Variants in PDE6H observed in about 807,000 individuals in gnomAD.
The protein encoded by PDE6H is retinal cone rhodopsin-sensitive cGMP 3',5'-cyclic phosphodiesterase subunit gamma.
In PDE6H, 11 loss-of-function variants were observed where a neutral mutation model predicts 9.2. That is an observed-to-expected ratio of 1.19 (90% confidence interval 0.75 to 1.97). The LOEUF (loss-of-function observed/expected upper bound fraction) is 1.97. PDE6H is among the 30% of genes most tolerant of loss of function. The pLI is 0.00. For synonymous variants in PDE6H, 36 were observed against 33.6 expected (o/e 1.07, Z -0.25); for missense variants, 98 against 101.5 (o/e 0.97, Z 0.15).
chr12:14,977,959 T>C lies in PDE6H; in HGVS notation c.-41-13T>C. ...TTGAAAGATCTTCTTTTTTTTATCTTTCACTGTCTAAGGAGGCTGAAAGGG... is the reference window on the plus strand; with the variant it reads ...TTGAAAGATCTTCTTTTTTTTATCTCTCACTGTCTAAGGAGGCTGAAAGGG... On this transcript the variant is annotated splice_polypyrimidine_tract_variant and intron_variant, in intron 1 of 3. Transcript: ENST00000266395. 1 of 1,574,420 alleles carries C rather than the reference T, an allele frequency of 6.4e-7. No homozygotes were observed. The highest frequency in any genetic ancestry group is 2.2e-5 in the East Asian group (1 of 44,606).
At chr12:14,976,624 G>A (rs1193993431) in intron 1 of PDE6H, among the ~76,000 whole-genome samples, 1 of 152,096 alleles carries the variant, frequency 6.6e-6, no homozygotes, top group Non-Finnish European at 1.5e-5. Flanking sequence ...AGGAGTTTGA[G>A]GCTGTAGTGA....
chr12:14,973,362 C>T (rs865983646), intron 1 of PDE6H, among the ~76,000 whole-genome samples: 1 of 152,160 alleles, frequency 6.6e-6, no homozygotes, highest in South Asian at 2.1e-4. Flanking sequence ...TAGTGACCTC[C>T]CTGTTTGCAG....
chr12:14,974,248 T>C (rs1458267591), intron 1 of PDE6H, among the ~76,000 whole-genome samples: 1 of 152,146 alleles, frequency 6.6e-6, no homozygotes, highest in Non-Finnish European at 1.5e-5. Flanking sequence ...TCTAGAAAGG[T>C]GTGGTCAGCA....
At chr12:14,975,702 C>G (rs961040057) in intron 1 of PDE6H, among the ~76,000 whole-genome samples, 1 of 151,972 alleles carries the variant, frequency 6.6e-6, no homozygotes, top group Admixed American at 6.6e-5. Context: ...GAGGAACTGG[C>G]AGTGCATTTC....
At chr12:14,975,441 T>G (rs993344922) in intron 1 of PDE6H, among the ~76,000 whole-genome samples, 15 of 152,150 alleles carry the variant, frequency 9.9e-5, no homozygotes, top group Non-Finnish European at 1.9e-4. Context: ...AGAAACTTTT[T>G]GATTTCTTCT....
At chr12:14,980,355 T>A (rs888654465) in intron 3 of PDE6H, among the ~76,000 whole-genome samples, 1 of 152,278 alleles carries the variant, frequency 6.6e-6, no homozygotes, top group Non-Finnish European at 1.5e-5. Flanking sequence ...TGTAGGGATA[T>A]ACACAGTTTT....
chr12:14,974,808 C>T (rs1209179638), intron 1 of PDE6H, among the ~76,000 whole-genome samples: 2 of 152,250 alleles, frequency 1.3e-5, no homozygotes, highest in Non-Finnish European at 2.9e-5. Context: ...GGCCCTTCAG[C>T]AGTTGGCCCA....
intron 1 of PDE6H, among the ~76,000 whole-genome samples, chr12:14,973,941 G>T (rs1448077571): frequency 6.6e-6 from 1 of 152,204 alleles, no homozygotes; most frequent in Admixed American, 6.5e-5. Flanking sequence ...AGAAACAGAA[G>T]ATGATTTTTT....
At position 14,979,172 on chromosome 12, in the gene PDE6H, T is replaced by A. The variant is rs1284049035; in HGVS notation, c.135-7T>A. ...TCAGCTAATTTCTCCTTTATTCTTT[T>A]CCATAGATTTGGAGATGACATTCCA... On this transcript the variant is annotated splice_region_variant and splice_polypyrimidine_tract_variant and intron_variant, in intron 2 of 3. Transcript: ENST00000266395. 6.2e-7 allele frequency: 1 copy of A among 1,600,594 alleles called. No homozygotes were observed. The highest frequency in any genetic ancestry group is 1.1e-5 in the South Asian group (1 of 90,684).
In PDE6H at chr12:14,981,543, C is replaced by A; in HGVS notation, c.*67C>A. On this transcript the variant is annotated 3_prime_UTR_variant, in exon 4 of 4. Transcript: ENST00000266395. The stretch of plus-strand genomic sequence containing the variant: ...TTTTGGTTGCTTTTGCCCTGTTGAT[C>A]TGCCGGAGTCTTGAAATTCAGCTGA... The A allele has an allele frequency of 9.7e-7, 1 of 1,028,690 alleles. No individual in the cohort carries two copies. Among genetic ancestry groups the A allele is most frequent in the Non-Finnish European group, 1.5e-6 (1 of 648,128 alleles). The allele number at this position is 1,028,690 out of a possible 1,614,324, so 63.7% of individuals were successfully genotyped here. A position where few individuals can be genotyped will look rare whatever the true frequency, so the allele number is the denominator to read the frequency against.
rs370234224 is a variant in PDE6H at position 14,977,996 on chromosome 12, G to T, written c.-17G>T. 5.0e-6 allele frequency: 8 copies of T among 1,612,404 alleles called. No individual in the cohort carries two copies. The South Asian group carries it at 6.6e-5, about 13-fold the overall frequency. On this transcript the variant is annotated 5_prime_UTR_variant, in exon 2 of 4. Coordinates refer to ENST00000266395, the MANE Select transcript of PDE6H (RefSeq NM_006205.3). ...GGAGGCTGAAAGGGAAACATCAGCC[G>T]CCCGGGGGGAGTTAAAATGAGTGAC...
intron 3 of PDE6H, 38 bp from the exon 4 acceptor site, chr12:14,981,362 T>C: frequency 1.6e-6 from 2 of 1,269,146 alleles, no homozygotes; most frequent in Non-Finnish European, 2.3e-6. Flanking sequence ...TCTCTTGGGG[T>C]GAGGTTGGCT....
intron 1 of PDE6H, among the ~76,000 whole-genome samples, chr12:14,974,937 C>T (rs943064353): frequency 2.6e-5 from 4 of 152,214 alleles, no homozygotes; most frequent in African/African-American, 7.2e-5. Flanking sequence ...CTTTGTACCA[C>T]TCTACTTATA....
At chr12:14,980,776 C>G (rs1040205025) in intron 3 of PDE6H, among the ~76,000 whole-genome samples, 1 of 152,184 alleles carries the variant, frequency 6.6e-6, no homozygotes, top group Admixed American at 6.5e-5. Context: ...TGGCTCTAGT[C>G]TCAGCTCTAC....
chr12:14,973,402 AG>A (rs1864548025), intron 1 of PDE6H, among the ~76,000 whole-genome samples: 1 of 152,196 alleles, frequency 6.6e-6, no homozygotes, highest in African/African-American at 2.4e-5. Context: ...CTGAAGAAGG[AG>A]GAATCTGTGG....
intron 1 of PDE6H, among the ~76,000 whole-genome samples, chr12:14,974,915 C>T (rs1864569445): frequency 6.6e-6 from 1 of 152,176 alleles, no homozygotes; most frequent in Non-Finnish European, 1.5e-5. Flanking sequence ...ATATATTTGC[C>T]CTTTTTGAAC....
intron 3 of PDE6H, 41 bp from the exon 4 acceptor site, chr12:14,981,359 G>C (rs1338773744): frequency 8.2e-7 from 1 of 1,221,988 alleles, no homozygotes; most frequent in Non-Finnish European, 1.2e-6. Context: ...AGCTCTCTTG[G>C]GGTGAGGTTG....
chr12:14,981,513 T>C lies in PDE6H; in HGVS notation c.*37T>C. 1 of 1,496,400 alleles carries C rather than the reference T, an allele frequency of 6.7e-7. No homozygotes were observed. The highest frequency in any genetic ancestry group is 9.3e-7 in the Non-Finnish European group (1 of 1,072,644). The allele number at this position is 1,496,400 out of a possible 1,614,324, so 92.7% of individuals were successfully genotyped here. A position where few individuals can be genotyped will look rare whatever the true frequency, so the allele number is the denominator to read the frequency against. On this transcript the variant is annotated 3_prime_UTR_variant, in exon 4 of 4. Transcript: ENST00000266395. Reference sequence around the variant, plus strand: ...TTCTGCCACTCTCAATGACATCTGCTGTAATTTTGGTTGCTTTTGCCCTGT... The same window carrying C: ...TTCTGCCACTCTCAATGACATCTGCCGTAATTTTGGTTGCTTTTGCCCTGT...
Position 14,978,094 on chromosome 12 carries a change from C to T in PDE6H, c.82C>T (p.Gln28Ter). The change falls in exon 2 of 4, where the codon CAG becomes TAG. Residue 28 changes from glutamine to a stop codon, truncating the protein, a stop_gained. Transcript: ENST00000266395. LOFTEE classifies it high-confidence loss of function. ...ACGCAAAGGCCCTCCCAAGTTCAAG[C>T]AGAGGCAGACTCGCCAATTCAAGAG... The part of the protein sequence containing the change: ...TPRKGPPKFK[Q>*]RQTRQFKSKP... 1.2e-6 allele frequency: 2 copies of T among 1,613,738 alleles called. No homozygotes were observed. Among genetic ancestry groups the T allele is most frequent in the Middle Eastern group, 1.7e-4 (1 of 5,906 alleles).
Sources: allele counts gnomAD v4.1 joint callset (sites outside exome capture counted in the v4.1 genomes callset), GRCh38; gene constraint gnomAD v4.1.1; transcripts MANE v1.5; gene names NCBI Gene and HGNC (gene_info 2026-07-23, HGNC 2026-07-21).